Variants in CHD5 observed in about 807,000 individuals in gnomAD.
The protein encoded by CHD5 is chromodomain helicase DNA binding protein 5.
In CHD5, 69 loss-of-function variants were observed where a neutral mutation model predicts 230.3. The observed-to-expected ratio is 0.30, with a 90% CI of 0.25 to 0.37. CHD5 has a LOEUF of 0.37. Ranked by LOEUF, CHD5 falls within the 10% of genes least tolerant of loss-of-function variation. CHD5 has a pLI of 1.00. For missense variants in CHD5, 1,827 were observed against 2,622.8 expected, an observed-to-expected ratio of 0.70 and a Z score of 6.63; for synonymous variants, 1,064 against 1,065.9, an observed-to-expected ratio of 1.00 and a Z score of 0.03.
At chr1:6,106,982 G>A (rs1283586753) in intron 38 of CHD5, among the ~76,000 whole-genome samples, 3 of 139,972 alleles carry the variant, frequency 2.1e-5, no homozygotes, top group Admixed American at 7.0e-5. Context: ...AAGGATGGAG[G>A]GGTGGAAGGA....
chr1:6,164,936 G>A (rs1362454884), intron 2 of CHD5, among the ~76,000 whole-genome samples: 3 of 152,154 alleles, frequency 2.0e-5, no homozygotes, highest in African/African-American at 7.2e-5. Flanking sequence ...AGGAGAGAGA[G>A]GAGATGCCGA....
rs77685296 is a variant in CHD5, at chr1:6,178,907, C to G, written c.79+1038G>C. Among the ~76,000 whole-genome samples the G allele has an allele frequency of 5.9e-3, 891 of 152,274 alleles. 6 individuals are homozygous for G. Among genetic ancestry groups the G allele is most frequent in the Middle Eastern group, 0.027 (8 of 294 alleles). On this transcript the variant is annotated intron_variant, in intron 1 of 41. Coordinates refer to ENST00000262450, the MANE Select transcript of CHD5 (RefSeq NM_015557.3). ...GGGGCCAGATGCACGTTCCTGGGCCCGGGAGGGCCTCCAGCCTCCCACAAG... is the reference window on the plus strand; with the variant it reads ...GGGGCCAGATGCACGTTCCTGGGCCGGGGAGGGCCTCCAGCCTCCCACAAG...
rs1264933954 is a variant in CHD5 at position 6,155,569 on chromosome 1, C to A, written c.506+30G>T. 5 of 1,561,130 alleles carry A rather than the reference C, an allele frequency of 3.2e-6. No individual in the cohort carries two copies. Among genetic ancestry groups the A allele is most frequent in the Non-Finnish European group, 4.4e-6 (5 of 1,132,326 alleles). On this transcript the variant is annotated intron_variant, in intron 4 of 41. Coordinates refer to ENST00000262450, the MANE Select transcript of CHD5 (RefSeq NM_015557.3). This position sits in a 1 kb window ranked among gnomAD's most constrained non-coding sequence, Gnocchi z 4.0. ...TTGGTACCACCAGAGGATGTGCGGG[C>A]CTGGAGAACAGCCCTAGTGCCCCGC... is the stretch of plus-strand genomic sequence containing the variant.
intron 1 of CHD5, among the ~76,000 whole-genome samples, chr1:6,176,243 G>A (rs1667424817): frequency 6.6e-6 from 1 of 152,190 alleles, no homozygotes; most frequent in Admixed American, 6.5e-5. Flanking sequence ...AAATGTCATG[G>A]CCTTTTGGGA....
chr1:6,120,200 G>C (rs1413001900), intron 33 of CHD5, among the ~76,000 whole-genome samples: 2 of 152,076 alleles, frequency 1.3e-5, no homozygotes, highest in Non-Finnish European at 2.9e-5. Flanking sequence ...AGCAATTAGG[G>C]AACAGACATT....
chr1:6,162,478 G>A (rs952732565), intron 2 of CHD5, among the ~76,000 whole-genome samples: 2 of 152,198 alleles, frequency 1.3e-5, no homozygotes, highest in African/African-American at 4.8e-5. Flanking sequence ...AGGGCTCTGA[G>A]CCAGGGTGGA....
intron 3 of CHD5, among the ~76,000 whole-genome samples, chr1:6,156,248 G>A (rs1667079431): frequency 6.6e-6 from 1 of 152,196 alleles, no homozygotes; most frequent in Non-Finnish European, 1.5e-5. Context: ...AAGACATGAG[G>A]CCTCCAGGCC....
chr1:6,145,809 G>A (rs1011580565), intron 11 of CHD5, among the ~76,000 whole-genome samples: 23 of 152,294 alleles, frequency 1.5e-4, no homozygotes, highest in African/African-American at 4.6e-4. Flanking sequence ...AAAGTAAGAC[G>A]CCTCCCTCCC....
chr1:6,178,086 C>T (rs914619915), intron 1 of CHD5, among the ~76,000 whole-genome samples: 1 of 152,164 alleles, frequency 6.6e-6, no homozygotes, highest in African/African-American at 2.4e-5. Flanking sequence ...GAGCAGCTGG[C>T]CTTGCTGATG....
intron 25 of CHD5, among the ~76,000 whole-genome samples, chr1:6,127,567 A>C (rs891631808): frequency 1.3e-5 from 2 of 151,290 alleles, no homozygotes; most frequent in Non-Finnish European, 1.5e-5. Flanking sequence ...GGCCCTGAGG[A>C]AGGGGCGGGA....
intron 33 of CHD5, among the ~76,000 whole-genome samples, chr1:6,119,896 TGTTGC>T (rs1294984978): frequency 6.6e-6 from 1 of 151,530 alleles, no homozygotes; most frequent in Non-Finnish European, 1.5e-5. Context: ...AGTCCCTCTC[TGTTGC>T]CCAGGCTGGA....
chr1:6,161,775 AC>A (rs1667181763), intron 2 of CHD5, among the ~76,000 whole-genome samples: 2 of 152,160 alleles, frequency 1.3e-5, no homozygotes, highest in African/African-American at 4.8e-5. Flanking sequence ...CTGAGCCCTC[AC>A]CCCAGCAAAG....
rs772759526 is a variant in CHD5, at chr1:6,106,703, G to T, written c.5655C>A (p.Ile1885=). ...VTRLPSMLSR[I]PPVAARLQMS... ...TCTGCAGCCGGGCGGCCACCGGGGG[G>T]ATGCGGGACAGCATGGATGGCAGCC... Residue 1885 remains isoleucine, a synonymous_variant, in exon 39 of 42, where the codon ATC becomes ATA. Transcript: ENST00000262450. 6.2e-7 allele frequency: 1 copy of T among 1,611,976 alleles called. No homozygotes were observed. The highest frequency in any genetic ancestry group is 1.3e-5 in the African/African-American group (1 of 74,984).
chr1:6,176,316 A>T (rs1001040588), intron 1 of CHD5, among the ~76,000 whole-genome samples: 2 of 152,154 alleles, frequency 1.3e-5, no homozygotes, highest in Non-Finnish European at 2.9e-5. Flanking sequence ...ATACTTACAC[A>T]TCTAGGGCCA....
rs769901475 is a variant in CHD5, at chr1:6,128,172, A to G, written c.3777T>C (p.Asp1259=). Residue 1259 remains aspartate, a synonymous_variant, in exon 25 of 42, where the codon GAT becomes GAC. Transcript: ENST00000262450. This position sits in a 1 kb window ranked among gnomAD's most constrained non-coding sequence, Gnocchi z 7.8. The part of the protein sequence containing the change: ...VEDSSVIHYD[D]AAISKLLDRN... Reference sequence around the variant, plus strand: ...GGTCCAGCAGCTTGGAGATGGCCGCATCGTCATAGTGGATCACACTGCTGT... The same window carrying G: ...GGTCCAGCAGCTTGGAGATGGCCGCGTCGTCATAGTGGATCACACTGCTGT... The G allele has an allele frequency of 1.9e-6, 3 of 1,614,168 alleles. No homozygotes were observed. The South Asian group carries it at 3.3e-5, about 18-fold the overall frequency.
Position 6,130,492 on chromosome 1 carries a change from C to T in CHD5, c.3263-164G>A, listed in dbSNP as rs1375767365. On this transcript the variant is annotated intron_variant, in intron 21 of 41. Coordinates refer to ENST00000262450, the MANE Select transcript of CHD5 (RefSeq NM_015557.3). This position sits in a 1 kb window ranked among gnomAD's most constrained non-coding sequence, Gnocchi z 4.9. ...AGAGACGGGTGGCCACAGCTGCACTCAGGGGAGCCAGAGGAGGCCTGCCCA... is the reference window on the plus strand; with the variant it reads ...AGAGACGGGTGGCCACAGCTGCACTTAGGGGAGCCAGAGGAGGCCTGCCCA... Among the ~76,000 whole-genome samples the T allele has an allele frequency of 6.6e-6, 1 of 152,106 alleles. No homozygotes were observed. Among genetic ancestry groups the T allele is most frequent in the Non-Finnish European group, 1.5e-5 (1 of 68,016 alleles).
In CHD5 at chr1:6,168,147, C is replaced by A; in HGVS notation, c.207+3G>T. The A allele has an allele frequency of 6.2e-7, 1 of 1,601,586 alleles. No homozygotes were observed. Among genetic ancestry groups the A allele is most frequent in the South Asian group, 1.1e-5 (1 of 90,204 alleles). ...GCTCGCCGGCGCAGGTGCTGCCCCT[C>A]ACCTCTTTCTTCTTCCGCTTCCCTT... On this transcript the variant is annotated splice_donor_region_variant and intron_variant, in intron 2 of 41. Transcript: ENST00000262450.
At chr1:6,141,790 C>T (rs187744642) in intron 15 of CHD5, among the ~76,000 whole-genome samples, 1 of 152,126 alleles carries the variant, frequency 6.6e-6, no homozygotes, top group Non-Finnish European at 1.5e-5. Flanking sequence ...TGAACCCCTG[C>T]CGCCACCAGG....
chr1:6,167,899 G>A lies in CHD5; in HGVS notation c.207+251C>T, dbSNP rs530099383. ...CAGCCCTGTCCCTCGCACAGGATAG[G>A]ACAACGGGAGGAAGGAAAAATGACG... On this transcript the variant is annotated intron_variant, in intron 2 of 41. Transcript: ENST00000262450. This position sits in a 1 kb window ranked among gnomAD's most constrained non-coding sequence, Gnocchi z 4.5. 6.6e-6 allele frequency among the ~76,000 whole-genome samples: 1 copy of A among 152,312 alleles called. No homozygotes were observed. Among genetic ancestry groups the A allele is most frequent in the Non-Finnish European group, 1.5e-5 (1 of 68,030 alleles).
Sources: allele counts gnomAD v4.1 joint callset (sites outside exome capture counted in the v4.1 genomes callset), GRCh38; gene constraint gnomAD v4.1.1; non-coding constraint Gnocchi (gnomAD v3.1); transcripts MANE v1.5; gene names NCBI Gene and HGNC (gene_info 2026-07-23, HGNC 2026-07-21).